CWC27: variants seen among roughly 807,000 people sequenced by gnomAD.
CWC27 encodes the protein CWC27 spliceosome associated cyclophilin, also known as spliceosome-associated protein CWC27 homolog.
CWC27 carries 47 observed loss-of-function variants against 63.6 expected under a neutral mutation model. The observed-to-expected ratio is 0.74, with a 90% CI of 0.58 to 0.94. CWC27 has a LOEUF of 0.94. CWC27 is among the 40% of genes least tolerant of loss of function. The pLI, the probability that CWC27 is intolerant of heterozygous loss-of-function variation, is 0.00. For synonymous variants in CWC27, 175 were observed against 179.8 expected (o/e 0.97, Z 0.22); for missense variants, 495 against 554.3 (o/e 0.89, Z 1.07).
chr5:64,960,173 A>G (rs1261670170), intron 11 of CWC27, among the ~76,000 whole-genome samples: 3 of 150,032 alleles, frequency 2.0e-5, no homozygotes, highest in Non-Finnish European at 4.4e-5. Flanking sequence ...TGGTTACCTG[A>G]TGCATTTTTG....
At chr5:64,937,778 T>A (rs1396667848) in intron 11 of CWC27, among the ~76,000 whole-genome samples, 2 of 152,240 alleles carry the variant, frequency 1.3e-5, no homozygotes, top group Non-Finnish European at 1.5e-5. Flanking sequence ...TGGGTGCTCC[T>A]GTATTGGTTG....
intron 10 of CWC27, among the ~76,000 whole-genome samples, chr5:64,808,933 A>G (rs1744782861): frequency 6.6e-6 from 1 of 152,156 alleles, no homozygotes; most frequent in Non-Finnish European, 1.5e-5. Context: ...CTTTTAATTT[A>G]AGTATAATAT....
At chr5:64,794,380 G>A (rs111682017) in intron 7 of CWC27, among the ~76,000 whole-genome samples, 2,737 of 152,150 alleles carry the variant, frequency 0.018, 52 homozygotes, top group African/African-American at 0.051. Flanking sequence ...AGGAGTACAT[G>A]TAAATTCTGT....
intron 1 of CWC27, among the ~76,000 whole-genome samples, chr5:64,773,588 A>C (rs1189901196): frequency 6.6e-6 from 1 of 152,194 alleles, no homozygotes; most frequent in Non-Finnish European, 1.5e-5. Flanking sequence ...CATACTCTTT[A>C]CTTGAAAGAG....
intron 10 of CWC27, among the ~76,000 whole-genome samples, chr5:64,840,362 TAAAAAAAAAAAAAAAAAA>T (rs10534375): frequency 1.8e-4 from 4 of 22,242 alleles, no homozygotes; most frequent in African/African-American, 5.8e-4. Context: ...CCTTTTTCAT[TAAAAAAAAAAAAAAAAAA>T]AAAAAAAAAA....
At chr5:64,803,347 T>C (rs1234927754) in intron 9 of CWC27, among the ~76,000 whole-genome samples, 1 of 152,182 alleles carries the variant, frequency 6.6e-6, no homozygotes, top group Non-Finnish European at 1.5e-5. Context: ...TGCTGGGCAC[T>C]ATTCTAGGAG....
chr5:64,994,325 A>C (rs778062668), intron 13 of CWC27, among the ~76,000 whole-genome samples: 3 of 152,102 alleles, frequency 2.0e-5, no homozygotes, highest in Non-Finnish European at 4.4e-5. Context: ...TTTGATGGTT[A>C]TATAATATTC....
intron 11 of CWC27, among the ~76,000 whole-genome samples, chr5:64,951,215 A>G (rs1337985505): frequency 2.0e-5 from 3 of 151,918 alleles, no homozygotes; most frequent in African/African-American, 7.2e-5. Context: ...TTCTAGTTGC[A>G]TCAAATCCTT....
chr5:65,005,713 T>A (rs1749829976), intron 13 of CWC27, among the ~76,000 whole-genome samples: 1 of 152,158 alleles, frequency 6.6e-6, no homozygotes, highest in South Asian at 2.1e-4. Flanking sequence ...GTTTCTTAAT[T>A]CCTAAAGAAT....
In CWC27 at chr5:64,785,565, A is replaced by G. The variant is rs989567504; in HGVS notation, c.481A>G (p.Ile161Val). ...CGAAAGACCACATAATCCACACAAA[A>G]TAAAAAGCTGTGAGGTAGGAGCATG... ...DDERPHNPHK[I>V]KSCEVLFNPF... Residue 161 changes from isoleucine (I) to valine (V), a missense_variant, in exon 5 of 14, where the codon ATA becomes GTA. Ile to Val is a conservative substitution (Grantham distance 29). This residue lies in a region of CWC27 where 463 missense variants were observed against 498.1 expected (regional missense o/e 0.93). Coordinates refer to ENST00000381070, the MANE Select transcript of CWC27 (RefSeq NM_005869.4). 2.5e-6 allele frequency: 4 copies of G among 1,593,222 alleles called. No homozygotes were observed. Among genetic ancestry groups the G allele is most frequent in the Non-Finnish European group, 3.4e-6 (4 of 1,171,352 alleles).
intron 7 of CWC27, 78 bp downstream of exon 7, chr5:64,789,098 C>A: frequency 2.2e-6 from 2 of 897,510 alleles, no homozygotes; most frequent in South Asian, 1.8e-5. Flanking sequence ...GTATCTCCTG[C>A]TATATCTGGC....
chr5:64,994,641 C>A (rs1365383430), intron 13 of CWC27, among the ~76,000 whole-genome samples: 2 of 152,098 alleles, frequency 1.3e-5, no homozygotes, highest in African/African-American at 2.4e-5. Flanking sequence ...CCCCCATTCC[C>A]CTTTCTAGCT....
At chr5:64,807,879 T>G (rs1744744255) in intron 10 of CWC27, 2 of 1,479,272 alleles carry the variant, frequency 1.4e-6, no homozygotes, top group African/African-American at 1.4e-5. Context: ...ACCATTCCAT[T>G]TTATTTCCTG....
intron 7 of CWC27, among the ~76,000 whole-genome samples, chr5:64,798,234 C>T (rs1744351416): frequency 6.6e-6 from 1 of 152,110 alleles, no homozygotes; most frequent in Non-Finnish European, 1.5e-5. Flanking sequence ...TGATTATTCC[C>T]ATTTTGTAGG....
intron 13 of CWC27, among the ~76,000 whole-genome samples, chr5:64,995,323 C>T (rs1052653058): frequency 6.6e-6 from 1 of 152,032 alleles, no homozygotes; most frequent in Non-Finnish European, 1.5e-5. Flanking sequence ...TTGTCATTGC[C>T]TTACAATTTG....
In CWC27 at chr5:64,936,008, A is replaced by C. The variant is rs1748344151; in HGVS notation, c.1043-35695A>C. Among the ~76,000 whole-genome samples, 3 of 152,138 alleles carry C rather than the reference A, an allele frequency of 2.0e-5. No individual in the cohort carries two copies. The South Asian group carries it at 6.2e-4, about 31-fold the overall frequency. ...CTTAAGGAGATTTTGGGCTGAGATG[A>C]TGTGGTTTTCTAAATATACAATCAT... is the stretch of plus-strand genomic sequence containing the variant. On this transcript the variant is annotated intron_variant, in intron 11 of 13. Coordinates refer to ENST00000381070, the MANE Select transcript of CWC27 (RefSeq NM_005869.4).
intron 13 of CWC27, among the ~76,000 whole-genome samples, chr5:64,979,835 A>G (rs1749301445): frequency 1.3e-5 from 2 of 152,134 alleles, no homozygotes; most frequent in Non-Finnish European, 2.9e-5. Context: ...CAAGATAGAA[A>G]CCATTACCAA....
intron 11 of CWC27, among the ~76,000 whole-genome samples, chr5:64,932,707 A>G (rs1748263046): frequency 6.6e-6 from 1 of 152,050 alleles, no homozygotes; most frequent in Non-Finnish European, 1.5e-5. Flanking sequence ...CTCTTCCCCA[A>G]TCTGCCATTC....
At chr5:64,958,429 G>T (rs1020045051) in intron 11 of CWC27, among the ~76,000 whole-genome samples, 2 of 152,088 alleles carry the variant, frequency 1.3e-5, no homozygotes, top group Non-Finnish European at 2.9e-5. Flanking sequence ...GCAGGTTGCT[G>T]ATACCTAAGA....
Sources: allele counts gnomAD v4.1 joint callset (sites outside exome capture counted in the v4.1 genomes callset), GRCh38; gene constraint gnomAD v4.1.1; regional missense constraint gnomAD v4.1.1; transcripts MANE v1.5; gene names NCBI Gene and HGNC (gene_info 2026-07-23, HGNC 2026-07-21).